The following NFIX variants were observed in gnomAD, a reference collection of about 807,000 sequenced individuals.
NFIX encodes the protein nuclear factor I X, also known as nuclear factor 1 X-type.
In NFIX, 2 loss-of-function variants were observed where a neutral mutation model predicts 53.3. The ratio of observed to expected loss-of-function variants is 0.04; its 90% CI spans 0.02 to 0.12. The LOEUF is 0.12. Ranked by LOEUF, NFIX falls within the 10% of genes least tolerant of loss-of-function variation. NFIX has a pLI of 1.00. For missense variants in NFIX, 310 were observed against 674.5 expected, an observed-to-expected ratio of 0.46 and a Z score of 5.99; for synonymous variants, 244 against 289.0, an observed-to-expected ratio of 0.84 and a Z score of 1.58.
intron 2 of NFIX, among the ~76,000 whole-genome samples, chr19:13,048,228 CTA>C (rs2014862438): frequency 6.6e-6 from 1 of 152,226 alleles, no homozygotes; most frequent in African/African-American, 2.4e-5. Context: ...CTTGTGAACT[CTA>C]AACTCTTCTT....
rs2017479045 is a variant in NFIX, at chr19:13,081,717, C to T, written c.1116C>T (p.Pro372=). The T allele has an allele frequency of 6.2e-7, 1 of 1,613,852 alleles. No individual in the cohort carries two copies. Among genetic ancestry groups the T allele is most frequent in the Non-Finnish European group, 8.5e-7 (1 of 1,179,888 alleles). ...PRATASALHF[P]STSIIQQSSP... ...CCACAGCATCAGCCCTGCACTTCCC[C>T]TCCACGTCCATCATCCAGCAGTCGA... The change falls in exon 8 of 11, where the codon CCC becomes CCT. Residue 372 remains proline (P), a synonymous_variant. Coordinates refer to ENST00000592199, the MANE Select transcript of NFIX (RefSeq NM_001365902.3). The surrounding 1 kb of genome is among the most constrained non-coding windows in gnomAD (Gnocchi z 4.7).
chr19:13,033,952 G>A (rs1465816981), intron 2 of NFIX, among the ~76,000 whole-genome samples: 1 of 152,222 alleles, frequency 6.6e-6, no homozygotes, highest in Non-Finnish European at 1.5e-5. Flanking sequence ...CAATGGTTGA[G>A]TGATATAGAC....
chr19:13,020,836 C>T (rs571591716), intron 1 of NFIX, among the ~76,000 whole-genome samples: 1 of 152,252 alleles, frequency 6.6e-6, no homozygotes, highest in South Asian at 2.1e-4. Context: ...CTACATGGAT[C>T]CTTCCATCTG....
At chr19:13,079,378 C>T (rs1271119570) in intron 7 of NFIX, among the ~76,000 whole-genome samples, 1 of 152,238 alleles carries the variant, frequency 6.6e-6, no homozygotes, top group Non-Finnish European at 1.5e-5. Flanking sequence ...AGAAGGTGCT[C>T]AGGATGAGAA....
rs1035670099 is a variant in NFIX at position 13,028,770 on chromosome 19, G to T, written c.559+3218G>T. Among the ~76,000 whole-genome samples the T allele has an allele frequency of 6.6e-6, 1 of 152,046 alleles. No individual in the cohort carries two copies. The highest frequency in any genetic ancestry group is 2.4e-5 in the African/African-American group (1 of 41,402). On this transcript the variant is annotated intron_variant, in intron 2 of 10. Coordinates refer to ENST00000592199, the MANE Select transcript of NFIX (RefSeq NM_001365902.3). This position sits in a 1 kb window ranked among gnomAD's most constrained non-coding sequence, Gnocchi z 4.2. Reference sequence around the variant, plus strand: ...CGGGTATCCCAGAACAGGTGGCCAGGGACGGGTGAGCTGGGGAGGGCCAGG... The same window carrying T: ...CGGGTATCCCAGAACAGGTGGCCAGTGACGGGTGAGCTGGGGAGGGCCAGG...
intron 2 of NFIX, among the ~76,000 whole-genome samples, chr19:13,042,056 C>A (rs978730225): frequency 1.1e-5 from 1 of 88,844 alleles, no homozygotes; most frequent in African/African-American, 4.7e-5. Context: ...TGCCACCACA[C>A]CTGGCTAATT....
chr19:13,088,181 G>T lies in NFIX; in HGVS notation c.1402+45G>T, dbSNP rs752740032. Reference sequence around the variant, plus strand: ...GAAACCACAACGCCCAGCGTCCCCGGCCCGTCCAAACAGTCTCCACTGCAA... The same window carrying T: ...GAAACCACAACGCCCAGCGTCCCCGTCCCGTCCAAACAGTCTCCACTGCAA... On this transcript the variant is annotated intron_variant, in intron 9 of 10. Coordinates refer to ENST00000592199, the MANE Select transcript of NFIX (RefSeq NM_001365902.3). This position sits in a 1 kb window ranked among gnomAD's most constrained non-coding sequence, Gnocchi z 5.9. 6.5e-6 allele frequency: 10 copies of T among 1,534,522 alleles called. No homozygotes were observed. In the Admixed American group the frequency reaches 1.6e-4, roughly 24 times the overall value.
chr19:13,015,786 G>A (rs1232455322), intron 1 of NFIX, among the ~76,000 whole-genome samples: 1 of 139,496 alleles, frequency 7.2e-6, no homozygotes, highest in Non-Finnish European at 1.5e-5. Flanking sequence ...CAGGCATAGA[G>A]AGATCACACA....
Position 13,073,184 on chromosome 19 carries a change from T to G in NFIX, c.622+75T>G. On this transcript the variant is annotated intron_variant, in intron 3 of 10. Transcript: ENST00000592199. The surrounding 1 kb of genome is among the most constrained non-coding windows in gnomAD (Gnocchi z 4.5). ...CTTCCTTCCCCCACCCTGGCTGCCC[T>G]GGCCACCCTCACTTCTTCCCCTTCA... 2 of 1,398,102 alleles carry G rather than the reference T, an allele frequency of 1.4e-6. No individual in the cohort carries two copies. Among genetic ancestry groups the G allele is most frequent in the Non-Finnish European group, 2.0e-6 (2 of 983,310 alleles). 86.6% of individuals were successfully genotyped at this position (1,398,102 alleles called of 1,614,324 possible). A position where few individuals can be genotyped will look rare whatever the true frequency, so the allele number is the denominator to read the frequency against.
At chr19:13,076,034 C>A (rs73922305) in intron 6 of NFIX, among the ~76,000 whole-genome samples, 1,907 of 152,292 alleles carry the variant, frequency 0.013, 39 homozygotes, top group African/African-American at 0.043. Context: ...ACCCTGGGGG[C>A]TCATCATTCT....
chr19:12,998,044 C>A lies in NFIX; in HGVS notation c.27+2180C>A, dbSNP rs926065794. ...GTCTGGCCTGCCCCTCCCTAACAAT[C>A]ACATCTCTGTTTTTACAAATCTTTC... On this transcript the variant is annotated intron_variant, in intron 1 of 10. Transcript: ENST00000592199. The surrounding 1 kb of genome is among the most constrained non-coding windows in gnomAD (Gnocchi z 4.4). Among the ~76,000 whole-genome samples the A allele has an allele frequency of 6.6e-6, 1 of 152,226 alleles. No homozygotes were observed. Among genetic ancestry groups the A allele is most frequent in the African/African-American group, 2.4e-5 (1 of 41,464 alleles).
chr19:13,061,160 G>A (rs2016062985), intron 2 of NFIX, among the ~76,000 whole-genome samples: 1 of 151,110 alleles, frequency 6.6e-6, no homozygotes, highest in Non-Finnish European at 1.5e-5. Flanking sequence ...GCCACACAGG[G>A]TGGGACCGGG....
At chr19:13,033,718 C>G (rs1319200107) in intron 2 of NFIX, among the ~76,000 whole-genome samples, 1 of 152,242 alleles carries the variant, frequency 6.6e-6, no homozygotes, top group Non-Finnish European at 1.5e-5. Context: ...CCTGAATTCT[C>G]ACCCTGATTC....
rs1367682458 is a variant in NFIX, at chr19:13,005,138, T to C, written c.27+9274T>C. 6.6e-6 allele frequency among the ~76,000 whole-genome samples: 1 copy of C among 152,228 alleles called. No individual in the cohort carries two copies. Among genetic ancestry groups the C allele is most frequent in the Non-Finnish European group, 1.5e-5 (1 of 68,034 alleles). On this transcript the variant is annotated intron_variant, in intron 1 of 10. Transcript: ENST00000592199. This position sits in a 1 kb window ranked among gnomAD's most constrained non-coding sequence, Gnocchi z 4.7. ...GGCCAACAAAGCTAAGTTCTGAGAC[T>C]CCTGTCCTCCGTGGGGCTGTCTCAC...
In NFIX at chr19:13,078,793, G is replaced by A; in HGVS notation, c.1078+58G>A. On this transcript the variant is annotated intron_variant, in intron 7 of 10. Coordinates refer to ENST00000592199, the MANE Select transcript of NFIX (RefSeq NM_001365902.3). The surrounding 1 kb of genome is among the most constrained non-coding windows in gnomAD (Gnocchi z 4.7). ...TGGGGAGGTGGCTGAGTATCTAGGG[G>A]CAGCTGGCCAGGTGAAGGGGCCAGA... 1 of 1,545,650 alleles carries A rather than the reference G, an allele frequency of 6.5e-7. No homozygotes were observed. The highest frequency in any genetic ancestry group is 1.2e-5 in the South Asian group (1 of 83,572).
In NFIX at chr19:13,096,647, A is replaced by G. The variant is rs1389576376; in HGVS notation, c.*1998A>G. The G allele has an allele frequency of 1.3e-5, 2 of 152,122 alleles. No individual in the cohort carries two copies. The highest frequency in any genetic ancestry group is 3.9e-4 in the East Asian group (2 of 5,154). The allele number at this position is 152,122 out of a possible 1,614,324, so 9.4% of individuals were successfully genotyped here. On this transcript the variant is annotated 3_prime_UTR_variant, in exon 11 of 11. Coordinates refer to ENST00000592199, the MANE Select transcript of NFIX (RefSeq NM_001365902.3). ...CGTGACGCGCGGTCAAAGTGCAATG[A>G]TTTTTCAGTTCGGTTGGCTAAACAG...
rs2145546440 is a variant in NFIX, at chr19:13,096,100, C to T, written c.*1451C>T. ...GGAGGGAGGGGAGGATGAGCACGCCCAGCTCCCCTCCAGGGTGTGACTTGG... is the reference window on the plus strand; with the variant it reads ...GGAGGGAGGGGAGGATGAGCACGCCTAGCTCCCCTCCAGGGTGTGACTTGG... On this transcript the variant is annotated 3_prime_UTR_variant, in exon 11 of 11. Coordinates refer to ENST00000592199, the MANE Select transcript of NFIX (RefSeq NM_001365902.3). 6.5e-6 allele frequency: 1 copy of T among 152,798 alleles called. No homozygotes were observed. The highest frequency in any genetic ancestry group is 6.5e-5 in the Admixed American group (1 of 15,304). The allele number at this position is 152,798 out of a possible 1,614,324, so 9.5% of individuals were successfully genotyped here.
At chr19:13,077,640 C>T (rs1028353816) in intron 6 of NFIX, among the ~76,000 whole-genome samples, 35 of 152,276 alleles carry the variant, frequency 2.3e-4, no homozygotes, top group African/African-American at 8.4e-4. Context: ...GCCCCTCCAC[C>T]CCTCACCCAA....
intron 2 of NFIX, chr19:13,070,131 G>A (rs532827514): frequency 2.6e-5 from 4 of 151,974 alleles, no homozygotes; most frequent in African/African-American, 7.3e-5. Flanking sequence ...CTCCCCAGGA[G>A]CTGCCTCCCC....
Sources: gnomAD v4.1 joint callset for allele counts (sites outside exome capture counted in the v4.1 genomes callset) on GRCh38, gnomAD v4.1.1 for gene constraint, Gnocchi (gnomAD v3.1) non-coding constraint, MANE v1.5 for transcripts, NCBI Gene and HGNC (gene_info 2026-07-23, HGNC 2026-07-21) for gene names.